Variants in CEP135 observed in about 807,000 individuals in gnomAD.
The protein encoded by CEP135 is centrosomal protein of 135 kDa.
In CEP135, 142 loss-of-function variants were observed where a neutral mutation model predicts 157.3. The ratio of observed to expected loss-of-function variants is 0.90; its 90% confidence interval spans 0.79 to 1.04. The LOEUF is 1.04. Among genes scored for constraint, CEP135 ranks in the 50% least tolerant of loss-of-function variants. CEP135 has a pLI of 0.00. For missense variants in CEP135, 1,317 were observed against 1,309.2 expected (o/e 1.01, Z -0.09); for synonymous variants, 396 against 439.8 (o/e 0.90, Z 1.25).
intron 6 of CEP135, among the ~76,000 whole-genome samples, chr4:55,962,060 G>T (rs1262850925): frequency 6.6e-6 from 1 of 151,904 alleles, no homozygotes; most frequent in Non-Finnish European, 1.5e-5. Context: ...ATCCTGTGAA[G>T]ACGTACTTCT....
rs80157196 is a variant in CEP135, at chr4:55,948,979, T to C, written c.-126T>C. ...CTGCTCTAGCGCCGGAGCCCGTGCC[T>C]GGACGGAAGGAGCTAGTGGGGGACT... On this transcript the variant is annotated 5_prime_UTR_variant, in exon 1 of 26. Coordinates refer to ENST00000257287, the MANE Select transcript of CEP135 (RefSeq NM_025009.5). The C allele has an allele frequency of 0.16, 24,072 of 152,446 alleles. 2,184 individuals are homozygous for C. The highest frequency in any genetic ancestry group is 0.29 in the Middle Eastern group (86 of 296). 9.4% of individuals were successfully genotyped at this position (152,446 alleles called of 1,614,324 possible). A position where few individuals can be genotyped will look rare whatever the true frequency, so the allele number is the denominator to read the frequency against.
At chr4:55,969,309 C>G (rs1728942650) in intron 9 of CEP135, among the ~76,000 whole-genome samples, 181 bp downstream of exon 9, 1 of 151,840 alleles carries the variant, frequency 6.6e-6, no homozygotes, top group Non-Finnish European at 1.5e-5. Context: ...TGCCTGTAAT[C>G]CCTGCTACTT....
chr4:56,017,485 A>G (rs527579322), intron 21 of CEP135, among the ~76,000 whole-genome samples, 163 bp from the exon 22 acceptor site: 1 of 152,358 alleles, frequency 6.6e-6, no homozygotes, highest in East Asian at 1.9e-4. Flanking sequence ...TAAGCATTAA[A>G]TAGGTCATCT....
chr4:55,973,224 G>A (rs1249347075), intron 10 of CEP135, among the ~76,000 whole-genome samples: 2 of 152,152 alleles, frequency 1.3e-5, no homozygotes, highest in African/African-American at 4.8e-5. Context: ...GTGTGCACCA[G>A]GCACATTGAG....
At position 56,033,288 on chromosome 4, in the gene CEP135, T is replaced by C. The variant is rs1190971604; in HGVS notation, c.*1940T>C. ...ACTGAATGTTCTGACCTTTTATAGA[T>C]GTTTTTGATTTTGTTTTAAATAATT... On this transcript the variant is annotated 3_prime_UTR_variant, in exon 26 of 26. Coordinates refer to ENST00000257287, the MANE Select transcript of CEP135 (RefSeq NM_025009.5). 5 of 152,134 alleles carry C rather than the reference T, an allele frequency of 3.3e-5. No individual in the cohort carries two copies. The highest frequency in any genetic ancestry group is 4.1e-4 in the South Asian group (2 of 4,836). 9.4% of individuals were successfully genotyped at this position (152,134 alleles called of 1,614,324 possible). A position where few individuals can be genotyped will look rare whatever the true frequency, so the allele number is the denominator to read the frequency against.
In CEP135 at chr4:55,974,921, A is replaced by C. The variant is rs1419375851; in HGVS notation, c.1425A>C (p.Thr475=). ...TAATACAGCGAAGATCTTGCTCTAC[A>C]AGTTATAGCGCACGTGAAAAAAGTT... ...QHIIQRRSCS[T]SYSAREKSSI... is the part of the protein sequence containing the mutation. Residue 475 remains threonine (T), a synonymous_variant, in exon 11 of 26, where the codon ACA becomes ACC. Coordinates refer to ENST00000257287, the MANE Select transcript of CEP135 (RefSeq NM_025009.5). 6.2e-7 allele frequency: 1 copy of C among 1,611,642 alleles called. No homozygotes were observed.
chr4:55,975,103 G>A (rs1437530940), intron 11 of CEP135, 134 bp downstream of exon 11: 3 of 626,148 alleles, frequency 4.8e-6, no homozygotes, highest in Non-Finnish European at 8.1e-6. Context: ...TTTCTTTTAT[G>A]GCCTGCACTA....
chr4:55,981,462 T>C, intron 13 of CEP135, 83 bp downstream of exon 13: 1 of 1,294,144 alleles, frequency 7.7e-7, no homozygotes, highest in African/African-American at 1.5e-5. Flanking sequence ...GAAGTTACTA[T>C]TGGCCAAATC....
chr4:55,995,687 A>C (rs1031014837), intron 15 of CEP135, among the ~76,000 whole-genome samples: 5 of 152,250 alleles, frequency 3.3e-5, no homozygotes, highest in Non-Finnish European at 7.3e-5. Flanking sequence ...CCATTTAAAC[A>C]TGTAAAAACC....
intron 12 of CEP135, 88 bp from the exon 13 acceptor site, chr4:55,981,138 CT>C: frequency 7.0e-6 from 9 of 1,290,320 alleles, no homozygotes; most frequent in South Asian, 1.5e-5. Flanking sequence ...TTCAGTATGC[CT>C]TTTTTAACTG....
Position 56,021,453 on chromosome 4 carries a change from G to A in CEP135, c.3320+673G>A, listed in dbSNP as rs566177516. The stretch of plus-strand genomic sequence containing the variant: ...TCATATTTTGGTTCATTTGCTTTAC[G>A]TTGAAAAATTTAATCCCCAGGTGTT... On this transcript the variant is annotated intron_variant, in intron 24 of 25. Coordinates refer to ENST00000257287, the MANE Select transcript of CEP135 (RefSeq NM_025009.5). Among the ~76,000 whole-genome samples the A allele has an allele frequency of 9.9e-4, 150 of 152,160 alleles. 1 individual carries two copies. Among genetic ancestry groups the A allele is most frequent in the African/African-American group, 3.5e-3 (144 of 41,498 alleles).
chr4:55,975,525 A>G (rs763231693), intron 11 of CEP135, among the ~76,000 whole-genome samples: 11 of 152,194 alleles, frequency 7.2e-5, no homozygotes, highest in Admixed American at 3.9e-4. Flanking sequence ...TGTTCTCTCT[A>G]TGTTATTTTC....
At chr4:56,026,773 G>A (rs775783821) in intron 25 of CEP135, among the ~76,000 whole-genome samples, 8 of 152,196 alleles carry the variant, frequency 5.3e-5, no homozygotes, top group Non-Finnish European at 1.2e-4. Flanking sequence ...AAAGGGATGT[G>A]CTGATTCACT....
intron 24 of CEP135, 65 bp from the exon 25 acceptor site, chr4:56,024,432 ATTTG>A (rs1731081967): frequency 9.4e-7 from 1 of 1,067,472 alleles, no homozygotes; most frequent in East Asian, 2.4e-5. Context: ...TAACTCTTAT[ATTTG>A]TTTGCCACTT....
intron 6 of CEP135, 200 bp downstream of exon 6, chr4:55,959,966 A>G (rs1560398645): frequency 1.6e-6 from 1 of 607,492 alleles, no homozygotes. Context: ...AAAAATTTAA[A>G]AATTAGCCAA....
At chr4:55,991,473 A>T (rs1163921095) in intron 14 of CEP135, among the ~76,000 whole-genome samples, 1 of 152,184 alleles carries the variant, frequency 6.6e-6, no homozygotes, top group Admixed American at 6.5e-5. Context: ...ATCAAGAAAC[A>T]TTGTGTTGCC....
At chr4:56,017,129 A>C (rs1479508526) in intron 21 of CEP135, among the ~76,000 whole-genome samples, 1 of 152,104 alleles carries the variant, frequency 6.6e-6, no homozygotes, top group Non-Finnish European at 1.5e-5. Context: ...CATTATTTGA[A>C]ATTTTTTTCA....
chr4:56,029,230 C>G (rs1731256927), intron 25 of CEP135, among the ~76,000 whole-genome samples: 1 of 152,124 alleles, frequency 6.6e-6, no homozygotes, highest in African/African-American at 2.4e-5. Flanking sequence ...GTTCCTGAAC[C>G]CAGTTTTTGG....
At chr4:56,020,845 AT>A in intron 24 of CEP135, 65 bp downstream of exon 24, 1 of 1,142,782 alleles carries the variant, frequency 8.8e-7, no homozygotes, top group Non-Finnish European at 1.3e-6. Context: ...TTCAGAAAGT[AT>A]TTAATATGGC....
Sources: allele counts gnomAD v4.1 joint callset (sites outside exome capture counted in the v4.1 genomes callset), GRCh38; gene constraint gnomAD v4.1.1; transcripts MANE v1.5; gene names NCBI Gene and HGNC (gene_info 2026-07-23, HGNC 2026-07-21).